The following ATP9B variants were observed in gnomAD, a reference collection of about 807,000 sequenced individuals.
ATP9B encodes the protein probable phospholipid-transporting ATPase IIB.
A neutral mutation model predicts 146.1 loss-of-function variants in ATP9B; 110 were observed. The observed-to-expected ratio is 0.75, with a 90% CI of 0.65 to 0.88. The LOEUF (loss-of-function observed/expected upper bound fraction) is 0.88, where lower values mean the gene tolerates loss of function less well. ATP9B is among the 40% of genes least tolerant of loss of function. The pLI is 0.00. For missense variants in ATP9B, 1,499 were observed against 1,496.4 expected (o/e 1.00, Z -0.03); for synonymous variants, 604 against 569.7 (o/e 1.06, Z -0.86).
At chr18:79,339,254 A>ATGTCATGATCACAATAGGAAGTG (rs2096843840) in intron 19 of ATP9B, among the ~76,000 whole-genome samples, 2 of 142,698 alleles carry the variant, frequency 1.4e-5, no homozygotes, top group Non-Finnish European at 3.0e-5. Context: ...AGTAGGAAGT[A>ATGTCATGATCACAATAGGAAGTG]TGTCATGATC....
chr18:79,167,002 A>G (rs2094977562), intron 7 of ATP9B, among the ~76,000 whole-genome samples: 1 of 152,166 alleles, frequency 6.6e-6, no homozygotes, highest in South Asian at 2.1e-4. Flanking sequence ...CTGTGGCCAA[A>G]TCAGGCGTTC....
chr18:79,243,279 C>T (rs2095907167), intron 11 of ATP9B, among the ~76,000 whole-genome samples: 1 of 152,190 alleles, frequency 6.6e-6, no homozygotes, highest in South Asian at 2.1e-4. Context: ...TATATATCCT[C>T]ATGTTTTTAA....
intron 8 of ATP9B, 86 bp from the exon 9 acceptor site, chr18:79,193,097 A>G (rs2095383893): frequency 1.0e-6 from 1 of 983,992 alleles, no homozygotes; most frequent in Admixed American, 2.3e-5. Flanking sequence ...ATAATATATG[A>G]ACAATATTAA....
intron 15 of ATP9B, among the ~76,000 whole-genome samples, chr18:79,323,950 G>C (rs185087087): frequency 5.0e-4 from 76 of 152,214 alleles, no homozygotes; most frequent in African/African-American, 1.8e-3. Flanking sequence ...CTCCTCCCTC[G>C]CCAGCATTTG....
chr18:79,200,702 A>AGG (rs1343558009), intron 9 of ATP9B, among the ~76,000 whole-genome samples: 2 of 100 alleles, frequency 0.02, 1 homozygote, highest in African/African-American at 0.038. Flanking sequence ...AAATGTGTTT[A>AGG]TGTCAGAGCA....
At chr18:79,202,433 A>G (rs1414514692) in intron 9 of ATP9B, among the ~76,000 whole-genome samples, 5 of 152,178 alleles carry the variant, frequency 3.3e-5, no homozygotes, top group African/African-American at 9.7e-5. Context: ...ACCATAGCAC[A>G]CTTACATTGT....
At chr18:79,376,462 T>C (rs2097104059) in intron 29 of ATP9B, 2 of 926,020 alleles carry the variant, frequency 2.2e-6, no homozygotes, top group Admixed American at 6.2e-5. Context: ...CAATCTTGGC[T>C]CACTGCAACC....
At chr18:79,168,402 T>C (rs1287920262) in intron 7 of ATP9B, among the ~76,000 whole-genome samples, 1 of 150,964 alleles carries the variant, frequency 6.6e-6, no homozygotes, top group Non-Finnish European at 1.5e-5. Context: ...TACATTTGTG[T>C]ATTGTAGTTG....
chr18:79,070,582 A>C (rs145914275), intron 1 of ATP9B, among the ~76,000 whole-genome samples: 77 of 152,324 alleles, frequency 5.1e-4, no homozygotes, highest in African/African-American at 1.7e-3. Context: ...TGTGTTAGTA[A>C]ATCTGTTTAA....
intron 15 of ATP9B, among the ~76,000 whole-genome samples, chr18:79,315,896 T>C (rs935291012): frequency 1.1e-4 from 17 of 152,246 alleles, no homozygotes; most frequent in African/African-American, 3.4e-4. Context: ...ATTCACATCT[T>C]AGTTATTTTT....
chr18:79,198,546 G>A (rs1041361259), intron 9 of ATP9B, among the ~76,000 whole-genome samples: 3 of 151,928 alleles, frequency 2.0e-5, no homozygotes, highest in African/African-American at 7.3e-5. Context: ...ACATGATGGA[G>A]TGCACTTACA....
intron 7 of ATP9B, among the ~76,000 whole-genome samples, chr18:79,162,731 G>A (rs1600073381): frequency 6.6e-6 from 1 of 152,140 alleles, no homozygotes; most frequent in African/African-American, 2.4e-5. Flanking sequence ...AGACAATCTG[G>A]TATTATAAAT....
At chr18:79,176,736 T>A (rs1226280694) in intron 7 of ATP9B, 77 bp from the exon 8 acceptor site, 2 of 1,216,130 alleles carry the variant, frequency 1.6e-6, no homozygotes, top group African/African-American at 3.0e-5. Flanking sequence ...GGAATTATTC[T>A]TTGATGGCAC....
intron 11 of ATP9B, among the ~76,000 whole-genome samples, chr18:79,235,450 G>T (rs561752992): frequency 6.6e-6 from 1 of 151,348 alleles, no homozygotes; most frequent in African/African-American, 2.4e-5. Flanking sequence ...TTTGGTTTTT[G>T]TTTTTTATAT....
intron 15 of ATP9B, among the ~76,000 whole-genome samples, chr18:79,323,851 T>C (rs2146950594): frequency 6.6e-6 from 1 of 152,324 alleles, no homozygotes; most frequent in South Asian, 2.1e-4. Flanking sequence ...ATATGGTGGC[T>C]CTGTGTTTAG....
In ATP9B at chr18:79,212,730, G is replaced by A. The variant is rs954585835; in HGVS notation, c.1031-1232G>A. ...TATTTAATATTTCTCTGCGTAGTAA[G>A]TATAGTCATCTAATCTCAGAAGTTT... On this transcript the variant is annotated intron_variant, in intron 10 of 29. Transcript: ENST00000426216. Among the ~76,000 whole-genome samples, 6 of 152,232 alleles carry A rather than the reference G, an allele frequency of 3.9e-5. No homozygotes were observed. The East Asian group carries it at 9.6e-4, about 24-fold the overall frequency.
chr18:79,158,849 G>A (rs961652409), intron 7 of ATP9B, among the ~76,000 whole-genome samples: 1 of 152,084 alleles, frequency 6.6e-6, no homozygotes, highest in African/African-American at 2.4e-5. Flanking sequence ...TTTGTTCTAG[G>A]TCTGCAGCAT....
chr18:79,298,197 G>A (rs2096566261), intron 13 of ATP9B, among the ~76,000 whole-genome samples: 1 of 146,646 alleles, frequency 6.8e-6, no homozygotes, highest in African/African-American at 2.5e-5. Flanking sequence ...TCTGCAGATG[G>A]AATAATTATC....
chr18:79,234,958 C>T (rs763612814), intron 11 of ATP9B, among the ~76,000 whole-genome samples: 2 of 152,132 alleles, frequency 1.3e-5, no homozygotes, highest in Non-Finnish European at 2.9e-5. Flanking sequence ...CCGCAACCTC[C>T]GCCTCCTGGG....
Sources: allele counts gnomAD v4.1 joint callset (sites outside exome capture counted in the v4.1 genomes callset), GRCh38; gene constraint gnomAD v4.1.1; transcripts MANE v1.5; gene names NCBI Gene and HGNC (gene_info 2026-07-23, HGNC 2026-07-21).